The following ZFYVE28 variants were observed in gnomAD, a reference collection of about 807,000 sequenced individuals.
The protein encoded by ZFYVE28 is lateral signaling target protein 2 homolog.
Under a neutral mutation model 82.1 loss-of-function variants are expected in ZFYVE28, and 40 were observed. That is an observed-to-expected ratio of 0.49 (90% CI 0.38 to 0.63). The LOEUF is 0.63. ZFYVE28 is among the 30% of genes least tolerant of loss of function. The pLI, the probability that ZFYVE28 is intolerant of heterozygous loss-of-function variation, is 0.00. For missense variants in ZFYVE28, 1,321 were observed against 1,242.1 expected (o/e 1.06, Z -0.96); for synonymous variants, 612 against 546.1 (o/e 1.12, Z -1.68).
At chr4:2,364,877 T>C (rs981387245) in intron 1 of ZFYVE28, 2 of 985,072 alleles carry the variant, frequency 2.0e-6, no homozygotes, top group African/African-American at 3.5e-5. Flanking sequence ...GTCGCGAGAG[T>C]ACCGTGGACC....
chr4:2,385,142 C>G (rs1729118212), intron 1 of ZFYVE28, among the ~76,000 whole-genome samples: 1 of 152,210 alleles, frequency 6.6e-6, no homozygotes, highest in East Asian at 1.9e-4. Flanking sequence ...CACCTCATCA[C>G]AACTGCAGAG....
At chr4:2,308,911 A>G (rs1007445055) in intron 7 of ZFYVE28, among the ~76,000 whole-genome samples, 3 of 152,200 alleles carry the variant, frequency 2.0e-5, no homozygotes, top group Admixed American at 2.0e-4. Flanking sequence ...CAGGGCTTTA[A>G]AAATTTATGG....
intron 8 of ZFYVE28, among the ~76,000 whole-genome samples, chr4:2,299,144 G>A (rs1362698590): frequency 2.0e-5 from 3 of 152,158 alleles, no homozygotes; most frequent in Admixed American, 6.5e-5. Context: ...CAGACCAGAC[G>A]GAACATTTTC....
intron 8 of ZFYVE28, among the ~76,000 whole-genome samples, chr4:2,302,283 T>G (rs1335384304): frequency 6.6e-6 from 1 of 152,262 alleles, no homozygotes; most frequent in Non-Finnish European, 1.5e-5. Context: ...CAGACTTCTC[T>G]GGGTCTATCT....
At position 2,408,048 on chromosome 4, in the gene ZFYVE28, C is replaced by A. The variant is rs17132539; in HGVS notation, c.39+10237G>T. Among the ~76,000 whole-genome samples the A allele has an allele frequency of 0.18, 28,008 of 152,158 alleles. 2,733 individuals are homozygous for A. Among genetic ancestry groups the A allele is most frequent in the East Asian group, 0.34 (1,752 of 5,148 alleles). On this transcript the variant is annotated intron_variant, in intron 1 of 12. Coordinates refer to ENST00000290974, the MANE Select transcript of ZFYVE28 (RefSeq NM_020972.3). The surrounding 1 kb of genome is among the most constrained non-coding windows in gnomAD (Gnocchi z 4.3). ...GGCTCCTCCAGAACACCATGTACCT[C>A]ACTCGGCCAGGCTGCCCAGGTGACC...
chr4:2,305,784 C>A (rs73797714), intron 7 of ZFYVE28, among the ~76,000 whole-genome samples: 1,652 of 152,296 alleles, frequency 0.011, 34 homozygotes, highest in African/African-American at 0.038. Flanking sequence ...TTTTTTAAAA[C>A]AAGATTCTGG....
At chr4:2,353,233 G>T (rs566241577) in intron 2 of ZFYVE28, among the ~76,000 whole-genome samples, 6 of 152,352 alleles carry the variant, frequency 3.9e-5, no homozygotes, top group African/African-American at 1.4e-4. Context: ...AGCCAGCTTG[G>T]CCACTTTGCA....
chr4:2,335,294 A>C lies in ZFYVE28; in HGVS notation c.701+411T>G, dbSNP rs1721500893. Among the ~76,000 whole-genome samples, 1 of 151,958 alleles carries C rather than the reference A, an allele frequency of 6.6e-6. No homozygotes were observed. Among genetic ancestry groups the C allele is most frequent in the Non-Finnish European group, 1.5e-5 (1 of 67,988 alleles). On this transcript the variant is annotated intron_variant, in intron 6 of 12. Transcript: ENST00000290974. This position sits in a 1 kb window ranked among gnomAD's most constrained non-coding sequence, Gnocchi z 5.8. The stretch of plus-strand genomic sequence containing the variant: ...CAAGCCAATCACAGCCTCCTGAGGG[A>C]CCCGGGGGGCAGCTCGTCCTCTTGT...
At chr4:2,412,716 G>A (rs781098268) in intron 1 of ZFYVE28, among the ~76,000 whole-genome samples, 7 of 152,104 alleles carry the variant, frequency 4.6e-5, no homozygotes, top group Non-Finnish European at 1.0e-4. Context: ...ACCACACCCT[G>A]GCTGTCACTT....
intron 7 of ZFYVE28, 145 bp from the exon 8 acceptor site, chr4:2,305,681 C>T: frequency 1.0e-6 from 1 of 995,806 alleles, no homozygotes; most frequent in Non-Finnish European, 1.5e-6. Context: ...CTCAAGGCAC[C>T]AGCACGTCTC....
intron 7 of ZFYVE28, among the ~76,000 whole-genome samples, chr4:2,318,159 C>T (rs1294684099): frequency 1.3e-5 from 2 of 152,194 alleles, no homozygotes; most frequent in African/African-American, 4.8e-5. Context: ...CAAATCTTCC[C>T]TGGGGAAGAA....
In ZFYVE28 at chr4:2,372,071, G is replaced by A. The variant is rs1199466084; in HGVS notation, c.40-17998C>T. 6.6e-6 allele frequency among the ~76,000 whole-genome samples: 1 copy of A among 152,228 alleles called. No homozygotes were observed. Among genetic ancestry groups the A allele is most frequent in the Non-Finnish European group, 1.5e-5 (1 of 68,030 alleles). ...AGGTCAGCCCAGTGGAAGCCTGGAG[G>A]GGCGTGCAGCGTGTGGCCGGTTCTG... On this transcript the variant is annotated intron_variant, in intron 1 of 12. Coordinates refer to ENST00000290974, the MANE Select transcript of ZFYVE28 (RefSeq NM_020972.3). This position sits in a 1 kb window ranked among gnomAD's most constrained non-coding sequence, Gnocchi z 5.2.
chr4:2,373,052 G>C (rs1219194036), intron 1 of ZFYVE28, among the ~76,000 whole-genome samples: 1 of 152,176 alleles, frequency 6.6e-6, no homozygotes, highest in Admixed American at 6.5e-5. Context: ...GGGACAGAAG[G>C]CTCAAGAATG....
At chr4:2,404,154 A>G (rs569323876) in intron 1 of ZFYVE28, among the ~76,000 whole-genome samples, 24 of 151,666 alleles carry the variant, frequency 1.6e-4, no homozygotes, top group Non-Finnish European at 3.2e-4. Context: ...CCCTGTCTCT[A>G]ATAAAAATAC....
rs1721623411 is a variant in ZFYVE28 at position 2,335,958 on chromosome 4, G to A, written c.612-164C>T. On this transcript the variant is annotated intron_variant, in intron 5 of 12. Coordinates refer to ENST00000290974, the MANE Select transcript of ZFYVE28 (RefSeq NM_020972.3). This position sits in a 1 kb window ranked among gnomAD's most constrained non-coding sequence, Gnocchi z 5.8. Reference sequence around the variant, plus strand: ...CACCCCCAGTCCTCATATGTGCAAGGGGCTGGGACTGCAGGAAAAGGCCAC... The same window carrying A: ...CACCCCCAGTCCTCATATGTGCAAGAGGCTGGGACTGCAGGAAAAGGCCAC... 6.6e-6 allele frequency among the ~76,000 whole-genome samples: 1 copy of A among 152,188 alleles called. No homozygotes were observed. Among genetic ancestry groups the A allele is most frequent in the African/African-American group, 2.4e-5 (1 of 41,452 alleles).
intron 1 of ZFYVE28, among the ~76,000 whole-genome samples, chr4:2,377,314 G>T (rs925792489): frequency 6.6e-6 from 1 of 152,100 alleles, no homozygotes; most frequent in East Asian, 1.9e-4. Flanking sequence ...GAGCCACTGC[G>T]CCCGGCCTAG....
intron 6 of ZFYVE28, among the ~76,000 whole-genome samples, chr4:2,334,108 G>T (rs994875689): frequency 7.2e-5 from 11 of 152,140 alleles, no homozygotes; most frequent in African/African-American, 2.7e-4. Context: ...TCCCTCTGGC[G>T]CGATGTGAGG....
intron 1 of ZFYVE28, among the ~76,000 whole-genome samples, chr4:2,401,134 T>G (rs984851992): frequency 2.0e-5 from 3 of 152,080 alleles, no homozygotes; most frequent in Non-Finnish European, 4.4e-5. Context: ...GTCACGAGCC[T>G]CTCCCCAGTT....
At position 2,358,278 on chromosome 4, in the gene ZFYVE28, C is replaced by T. The variant is rs114480746; in HGVS notation, c.40-4205G>A. ...ATCTGTGTGCATGTGAATATATGTG[C>T]AGGCATGGATGTGCATGCGTGTGTG... On this transcript the variant is annotated intron_variant, in intron 1 of 12. Transcript: ENST00000290974. Among the ~76,000 whole-genome samples, 986 of 152,314 alleles carry T rather than the reference C, an allele frequency of 6.5e-3. 11 individuals are homozygous for T. Among genetic ancestry groups the T allele is most frequent in the African/African-American group, 0.023 (936 of 41,570 alleles).
Sources: allele counts gnomAD v4.1 joint callset (sites outside exome capture counted in the v4.1 genomes callset), GRCh38; gene constraint gnomAD v4.1.1; non-coding constraint Gnocchi (gnomAD v3.1); transcripts MANE v1.5; gene names NCBI Gene and HGNC (gene_info 2026-07-23, HGNC 2026-07-21).